NGLY1: variants seen among roughly 807,000 people sequenced by gnomAD.
NGLY1 encodes N-glycanase 1, also known as peptide-N(4)-(N-acetyl-beta-glucosaminyl)asparagine amidase.
In NGLY1, 68 loss-of-function variants were observed where a neutral mutation model predicts 84.6. The ratio of observed to expected loss-of-function variants is 0.80; its 90% CI spans 0.66 to 0.98. NGLY1 has a LOEUF of 0.98. NGLY1 is among the 50% of genes least tolerant of loss of function. The pLI is 0.00. For synonymous variants in NGLY1, 280 were observed against 275.2 expected (o/e 1.02, Z -0.17); for missense variants, 779 against 770.2 (o/e 1.01, Z -0.14).
chr3:25,758,582 T>G (rs1048265847), intron 3 of NGLY1, among the ~76,000 whole-genome samples: 1 of 152,140 alleles, frequency 6.6e-6, no homozygotes, highest in African/African-American at 2.4e-5. Context: ...TGTCTCAAAA[T>G]AAATAAATAA....
intron 2 of NGLY1, among the ~76,000 whole-genome samples, chr3:25,765,605 T>C (rs1442250093): frequency 6.6e-6 from 1 of 152,202 alleles, no homozygotes; most frequent in Non-Finnish European, 1.5e-5. Context: ...CATTACTCAA[T>C]GACATGAAAG....
chr3:25,719,500 T>C lies in NGLY1; in HGVS notation c.1925A>G (p.Glu642Gly). Reference sequence around the variant, plus strand: ...TTTTATAATTATCTCCAAACAATTTTCTTCATGGTCATTTAAGCTTTGTCT... The same window carrying C: ...TTTTATAATTATCTCCAAACAATTTCCTTCATGGTCATTTAAGCTTTGTCT... ...LFRQSLNDHE[E>G]NCLEIIIKFS... The change falls in exon 12 of 12, where the codon GAA becomes GGA. Residue 642 changes from glutamate to glycine, a missense_variant. Transcript: ENST00000280700. 1 of 1,613,970 alleles carries C rather than the reference T, an allele frequency of 6.2e-7. No individual in the cohort carries two copies. Among genetic ancestry groups the C allele is most frequent in the Non-Finnish European group, 8.5e-7 (1 of 1,179,880 alleles).
intron 4 of NGLY1, chr3:25,749,782 G>C (rs1706633954): frequency 2.9e-6 from 4 of 1,367,260 alleles, no homozygotes; most frequent in Admixed American, 3.4e-5. Flanking sequence ...ACTGTGCTGA[G>C]ATTGCTCACA....
chr3:25,726,617 ACAGTG>A (rs1274115755), intron 10 of NGLY1, among the ~76,000 whole-genome samples: 1 of 152,226 alleles, frequency 6.6e-6, no homozygotes, highest in African/African-American at 2.4e-5. Flanking sequence ...AAGGGGTAGC[ACAGTG>A]CAAGGCAAAG....
At chr3:25,785,135 C>CAA (rs1159268520), upstream of NGLY1, among the ~76,000 whole-genome samples, 74 of 76,942 alleles carry the variant, frequency 9.6e-4, 1 homozygote, top group Non-Finnish European at 1.3e-3. Flanking sequence ...CCTGCTTGGA[C>CAA]AAAAAAAAAA....
At chr3:25,787,655 T>C (rs1317338268), upstream of NGLY1, among the ~76,000 whole-genome samples, 6 of 152,212 alleles carry the variant, frequency 3.9e-5, no homozygotes, top group Non-Finnish European at 7.3e-5. Flanking sequence ...TAGAGGAGTT[T>C]AGAATCAATA....
rs774269741 is a variant in NGLY1 at position 25,736,201 on chromosome 3, A to G, written c.1004-52T>C. 3.8e-6 allele frequency: 6 copies of G among 1,591,112 alleles called. No individual in the cohort carries two copies. In the Admixed American group the frequency reaches 5.3e-5, roughly 14 times the overall value. ...ATGGAAAAAAGACAATGAAATCAGAATGACTTTCAATAACTATACACAAAC... is the reference window on the plus strand; with the variant it reads ...ATGGAAAAAAGACAATGAAATCAGAGTGACTTTCAATAACTATACACAAAC... On this transcript the variant is annotated intron_variant, in intron 6 of 11. Coordinates refer to ENST00000280700, the MANE Select transcript of NGLY1 (RefSeq NM_018297.4).
At chr3:25,768,696 C>A (rs1421994665) in intron 2 of NGLY1, among the ~76,000 whole-genome samples, 1 of 151,444 alleles carries the variant, frequency 6.6e-6, no homozygotes, top group East Asian at 2.0e-4. Context: ...CAGGCGCCCG[C>A]CACCACGCCC....
In NGLY1 at chr3:25,789,882, C is replaced by A. The variant is rs746302307; in HGVS notation, c.-17G>T. The A allele has an allele frequency of 6.8e-5, 106 of 1,551,660 alleles. No homozygotes were observed. In the African/African-American group the frequency reaches 9.2e-4, roughly 13 times the overall value. ...CTACCTCATCGCGTTATTGGCAGGT[C>A]CTCGATTATCGGCGAGTCACTGAGG... On this transcript the variant is annotated 5_prime_UTR_variant, in exon 1 of 12. Coordinates refer to the NGLY1 transcript ENST00000417874.
In NGLY1 at chr3:25,719,326, G is replaced by C. The variant is rs1325115075; in HGVS notation, c.*134C>G. 3.4e-6 allele frequency: 2 copies of C among 595,238 alleles called. No homozygotes were observed. The highest frequency in any genetic ancestry group is 5.9e-6 in the Non-Finnish European group (2 of 341,252). 36.9% of individuals were successfully genotyped at this position (595,238 alleles called of 1,614,324 possible). On this transcript the variant is annotated 3_prime_UTR_variant, in exon 12 of 12. Transcript: ENST00000280700. The stretch of plus-strand genomic sequence containing the variant: ...CACGTATAAAGATAATTTTCATGAG[G>C]GTTACATGATGGATAGCTAGCAAAA...
chr3:25,755,817 T>A (rs1707008993), intron 3 of NGLY1: 1 of 541,122 alleles, frequency 1.8e-6, no homozygotes, highest in Non-Finnish European at 3.2e-6. Context: ...ATCTCTTTAG[T>A]AAACACACAA....
intron 2 of NGLY1, among the ~76,000 whole-genome samples, chr3:25,765,334 C>T (rs187570391): frequency 7.7e-4 from 117 of 152,108 alleles, no homozygotes; most frequent in Middle Eastern, 3.4e-3. Flanking sequence ...GTGGCGGGTG[C>T]CTGTAATCCC....
rs762827129 is a variant in NGLY1, at chr3:25,751,340, T to C, written c.493-77A>G. 4.5e-5 allele frequency: 55 copies of C among 1,211,030 alleles called. No homozygotes were observed. The Middle Eastern group carries it at 2.4e-3, about 53-fold the overall frequency. The allele number at this position is 1,211,030 out of a possible 1,614,324, so 75.0% of individuals were successfully genotyped here. ...ATAATATATAATAAAAAAACTGTGG[T>C]TTTATGATTTTACAGATAGAAGGGA... On this transcript the variant is annotated intron_variant, in intron 3 of 11. Coordinates refer to ENST00000280700, the MANE Select transcript of NGLY1 (RefSeq NM_018297.4).
At chr3:25,729,368 A>G (rs1473977208) in intron 9 of NGLY1, 50 bp from the exon 10 acceptor site, 1 of 1,190,126 alleles carries the variant, frequency 8.4e-7, no homozygotes, top group South Asian at 2.9e-5. Context: ...AGATGTAAAA[A>G]AGAAAAAAGA....
chr3:25,783,023 G>A lies in NGLY1; in HGVS notation c.131+237C>T. 4 of 478,306 alleles carry A rather than the reference G, an allele frequency of 8.4e-6. No individual in the cohort carries two copies. The highest frequency in any genetic ancestry group is 4.1e-5 in the Admixed American group (1 of 24,164). The allele number at this position is 478,306 out of a possible 1,614,324, so 29.6% of individuals were successfully genotyped here. The stretch of plus-strand genomic sequence containing the variant: ...TTCACCCGCAGCACCCTGACTGCAG[G>A]TGCCAAGTCACAACTGCAAAGAAAC... On this transcript the variant is annotated intron_variant, in intron 1 of 11. Coordinates refer to ENST00000280700, the MANE Select transcript of NGLY1 (RefSeq NM_018297.4). The surrounding 1 kb of genome is among the most constrained non-coding windows in gnomAD (Gnocchi z 4.5).
chr3:25,736,238 AT>A, intron 6 of NGLY1, 89 bp from the exon 7 acceptor site: 1 of 1,559,384 alleles, frequency 6.4e-7, no homozygotes, highest in Non-Finnish European at 8.7e-7. Context: ...CCTAAGAATC[AT>A]AAAGTAATGC....
rs1408776703 is a variant in NGLY1, at chr3:25,719,129, C to G, written c.*331G>C. Reference sequence around the variant, plus strand: ...GAAAATGTCAAATTACTATCATAAGCCCAAGATTTTATCATAATCATGAAT... The same window carrying G: ...GAAAATGTCAAATTACTATCATAAGGCCAAGATTTTATCATAATCATGAAT... On this transcript the variant is annotated 3_prime_UTR_variant, in exon 12 of 12. Transcript: ENST00000280700. The G allele has an allele frequency of 5.9e-6, 1 of 168,758 alleles. No homozygotes were observed. Among genetic ancestry groups the G allele is most frequent in the Non-Finnish European group, 1.3e-5 (1 of 79,286 alleles). 10.5% of individuals were successfully genotyped at this position (168,758 alleles called of 1,614,324 possible). A position where few individuals can be genotyped will look rare whatever the true frequency, so the allele number is the denominator to read the frequency against.
chr3:25,768,583 T>A (rs1707732712), intron 2 of NGLY1, among the ~76,000 whole-genome samples: 2 of 92,600 alleles, frequency 2.2e-5, no homozygotes, highest in Admixed American at 2.5e-4. Flanking sequence ...TTTTTTTTTT[T>A]AGCGGAGTCT....
chr3:25,783,222 C>T lies in NGLY1; in HGVS notation c.131+38G>A, dbSNP rs183348716. On this transcript the variant is annotated intron_variant, in intron 1 of 11. Coordinates refer to ENST00000280700, the MANE Select transcript of NGLY1 (RefSeq NM_018297.4). The surrounding 1 kb of genome is among the most constrained non-coding windows in gnomAD (Gnocchi z 4.5). ...GCCGAACAAGGTGCCGCGGCCCACC[C>T]ACCCCGGTACCCGCCGTCCGACCCC... The T allele has an allele frequency of 2.3e-4, 365 of 1,576,308 alleles. 3 individuals carry two copies. The East Asian group carries it at 6.5e-3, about 28-fold the overall frequency.
Sources: allele counts gnomAD v4.1 joint callset (sites outside exome capture counted in the v4.1 genomes callset), GRCh38; gene constraint gnomAD v4.1.1; non-coding constraint Gnocchi (gnomAD v3.1); transcripts MANE v1.5; gene names NCBI Gene and HGNC (gene_info 2026-07-23, HGNC 2026-07-21).